TLL1: variants seen among roughly 807,000 people sequenced by gnomAD.
TLL1 encodes tolloid like 1, also known as tolloid-like protein 1.
A neutral mutation model predicts 128.2 loss-of-function variants in TLL1; 49 were observed. The observed-to-expected ratio is 0.38, with a 90% CI of 0.30 to 0.48. The LOEUF (loss-of-function observed/expected upper bound fraction) is 0.48. TLL1 is among the 20% of genes least tolerant of loss of function. The pLI is 0.96. For missense variants in TLL1, 1,123 were observed against 1,242.0 expected (o/e 0.90, Z 1.44); for synonymous variants, 454 against 418.8 (o/e 1.08, Z -1.03).
At chr4:165,982,170 CACTT>C (rs1295050414) in intron 1 of TLL1, among the ~76,000 whole-genome samples, 1 of 151,912 alleles carries the variant, frequency 6.6e-6, no homozygotes, top group Non-Finnish European at 1.5e-5. Flanking sequence ...TAATTAATAT[CACTT>C]AATTATCTGT....
intron 13 of TLL1, among the ~76,000 whole-genome samples, chr4:166,056,111 GA>G (rs778585765): frequency 2.0e-5 from 3 of 152,130 alleles, no homozygotes; most frequent in South Asian, 2.1e-4. Flanking sequence ...TGAAATGAAA[GA>G]TAGAAAAGCT....
At chr4:165,879,417 C>T (rs182120031) in intron 1 of TLL1, among the ~76,000 whole-genome samples, 103 of 152,170 alleles carry the variant, frequency 6.8e-4, no homozygotes, top group African/African-American at 2.3e-3. Context: ...CTTTGCAAAC[C>T]TTCTTATGGC....
chr4:165,968,462 A>C (rs181872641), intron 1 of TLL1, among the ~76,000 whole-genome samples: 397 of 152,242 alleles, frequency 2.6e-3, no homozygotes, highest in Non-Finnish European at 2.9e-3. Flanking sequence ...AATACAGACT[A>C]AGCAATGATT....
intron 1 of TLL1, among the ~76,000 whole-genome samples, chr4:165,956,477 T>G (rs1734800727): frequency 6.6e-6 from 1 of 152,030 alleles, no homozygotes; most frequent in Non-Finnish European, 1.5e-5. Context: ...GGAAAAGAAT[T>G]TAGCAATATC....
intron 5 of TLL1, among the ~76,000 whole-genome samples, chr4:166,001,790 A>T (rs1192372509): frequency 2.2e-4 from 21 of 94,978 alleles, no homozygotes; most frequent in African/African-American, 8.0e-4. Context: ...GCAAAACTCC[A>T]TCTCAAAAAA....
intron 18 of TLL1, among the ~76,000 whole-genome samples, chr4:166,079,738 T>A (rs931919896): frequency 2.2e-4 from 33 of 152,296 alleles, no homozygotes; most frequent in Middle Eastern, 3.4e-3. Context: ...TTTCTTCATA[T>A]AATTCATCTG....
At chr4:165,995,278 G>T in intron 5 of TLL1, 100 bp downstream of exon 5, 1 of 961,022 alleles carries the variant, frequency 1.0e-6, no homozygotes, top group East Asian at 2.4e-5. Context: ...GATTTGCTTT[G>T]TATTTTGGCC....
At chr4:165,890,144 C>T (rs1048461273) in intron 1 of TLL1, among the ~76,000 whole-genome samples, 1 of 152,128 alleles carries the variant, frequency 6.6e-6, no homozygotes, top group Admixed American at 6.5e-5. Flanking sequence ...AACTCACTAT[C>T]ATGAGAACAG....
At chr4:166,059,764 C>T (rs1740214953) in intron 14 of TLL1, among the ~76,000 whole-genome samples, 1 of 151,836 alleles carries the variant, frequency 6.6e-6, no homozygotes, top group Admixed American at 6.6e-5. Flanking sequence ...TTAAATTGCT[C>T]CCCCTACTTT....
intron 2 of TLL1, among the ~76,000 whole-genome samples, chr4:165,992,345 C>A (rs1045832399): frequency 9.2e-5 from 14 of 152,072 alleles, no homozygotes; most frequent in African/African-American, 3.4e-4. Context: ...TTCATGGAAG[C>A]TTTGGAAGAA....
intron 1 of TLL1, among the ~76,000 whole-genome samples, chr4:165,879,892 T>G (rs1259075929): frequency 6.6e-6 from 1 of 152,082 alleles, no homozygotes; most frequent in African/African-American, 2.4e-5. Context: ...TTTGGAAACC[T>G]CTTAACAGTT....
intron 4 of TLL1, 146 bp downstream of exon 4, chr4:165,994,679 T>C (rs1018137640): frequency 5.1e-5 from 47 of 925,968 alleles, no homozygotes; most frequent in Non-Finnish European, 7.2e-5. Flanking sequence ...GTTATTAGTG[T>C]AGAGTGTCTT....
At chr4:165,907,317 C>T (rs999846933) in intron 1 of TLL1, among the ~76,000 whole-genome samples, 1 of 152,008 alleles carries the variant, frequency 6.6e-6, no homozygotes, top group Non-Finnish European at 1.5e-5. Context: ...TGATTTTGCT[C>T]ATCATGATAC....
At chr4:165,949,140 G>A (rs1734391724) in intron 1 of TLL1, among the ~76,000 whole-genome samples, 1 of 152,072 alleles carries the variant, frequency 6.6e-6, no homozygotes, top group Admixed American at 6.6e-5. Flanking sequence ...AAGAGAGACT[G>A]GGAACATGAG....
rs55818547 is a variant in TLL1, at chr4:166,101,021, A to G, written c.*145A>G. 46,857 of 1,053,100 alleles carry G rather than the reference A, an allele frequency of 0.044. 1,199 individuals are homozygous for G. Among genetic ancestry groups the G allele is most frequent in the Non-Finnish European group, 0.049 (36,043 of 731,630 alleles). 65.2% of individuals were successfully genotyped at this position (1,053,100 alleles called of 1,614,324 possible). The stretch of plus-strand genomic sequence containing the variant: ...GTAAGACCAGAATTATCTTTGTACT[A>G]AAAGAGAAGTTTCCAGCAAAACCCT... On this transcript the variant is annotated 3_prime_UTR_variant, in exon 21 of 21. Coordinates refer to ENST00000061240, the MANE Select transcript of TLL1 (RefSeq NM_012464.5).
At position 165,873,911 on chromosome 4, in the gene TLL1, T is replaced by C; in HGVS notation, c.7T>C (p.Leu3=). 2 of 1,613,658 alleles carry C rather than the reference T, an allele frequency of 1.2e-6. No homozygotes were observed. The highest frequency in any genetic ancestry group is 8.5e-7 in the Non-Finnish European group (1 of 1,179,952). Residue 3 remains leucine, a synonymous_variant, in exon 1 of 21, where the codon TTG becomes CTG. Transcript: ENST00000061240. The part of the protein sequence containing the change: MG[L]GTLSPRMLVW... ...TTTCCTCCGGGGGAGGAGGATGGGG[T>C]TGGGAACGCTTTCCCCGAGGATGCT...
chr4:165,956,965 A>C (rs1419653936), intron 1 of TLL1, among the ~76,000 whole-genome samples: 1 of 152,096 alleles, frequency 6.6e-6, no homozygotes, highest in Non-Finnish European at 1.5e-5. Flanking sequence ...TCTACAAAAC[A>C]ACCAGCTAAC....
intron 12 of TLL1, chr4:166,053,178 T>G (rs1264251592): frequency 6.6e-6 from 1 of 151,692 alleles, no homozygotes; most frequent in Non-Finnish European, 1.5e-5. Flanking sequence ...AATCACAGCC[T>G]TCTCTCCCCC....
chr4:166,044,418 C>A, intron 12 of TLL1: 1 of 1,535,528 alleles, frequency 6.5e-7, no homozygotes, highest in South Asian at 1.2e-5. Flanking sequence ...AATCTCTCAT[C>A]CTCATCTGGA....
Sources: gnomAD v4.1 joint callset for allele counts (sites outside exome capture counted in the v4.1 genomes callset) on GRCh38, gnomAD v4.1.1 for gene constraint, MANE v1.5 for transcripts, NCBI Gene and HGNC (gene_info 2026-07-23, HGNC 2026-07-21) for gene names.